TUBGCP4: variants seen among roughly 807,000 people sequenced by gnomAD.
TUBGCP4 encodes tubulin gamma complex component 4, also known as gamma-tubulin complex component 4.
Under a neutral mutation model 91.6 loss-of-function variants are expected in TUBGCP4, and 54 were observed. That is an observed-to-expected ratio of 0.59 (90% CI 0.47 to 0.74). TUBGCP4 has a LOEUF of 0.74. Ranked by LOEUF, TUBGCP4 falls within the 30% of genes least tolerant of loss-of-function variation. The pLI, the probability that TUBGCP4 is intolerant of heterozygous loss-of-function variation, is 0.00. For missense variants in TUBGCP4, 593 were observed against 800.9 expected, an observed-to-expected ratio of 0.74 and a Z score of 3.13; for synonymous variants, 297 against 302.8, an observed-to-expected ratio of 0.98 and a Z score of 0.20.
Position 43,401,730 on chromosome 15 carries a change from GTCTCAGT to G in TUBGCP4, c.1616_1622del (p.Gln539ProfsTer24). On this transcript the variant is annotated frameshift_variant, in exon 15 of 18. Transcript: ENST00000564079. LOFTEE classifies it high-confidence loss of function. ...ATGTCTATCAGGTAGATGTGTTGGAGTCTCAGTTCTCCCAGCTGCTTCATCAGATCAA... is the reference window on the plus strand; with the variant it reads ...ATGTCTATCAGGTAGATGTGTTGGAGTCTCCCAGCTGCTTCATCAGATCAA... 6.2e-7 allele frequency: 1 copy of G among 1,614,138 alleles called. No homozygotes were observed. Among genetic ancestry groups the G allele is most frequent in the East Asian group, 2.2e-5 (1 of 44,878 alleles).
chr15:43,381,376 C>G (rs1321485352), intron 6 of TUBGCP4, among the ~76,000 whole-genome samples: 1 of 152,072 alleles, frequency 6.6e-6, no homozygotes, highest in African/African-American at 2.4e-5. Context: ...CTTGTAATTT[C>G]TTTTTCTCCC....
intron 1 of TUBGCP4, among the ~76,000 whole-genome samples, chr15:43,375,744 C>T (rs1390046293): frequency 1.3e-5 from 2 of 152,150 alleles, no homozygotes; most frequent in Non-Finnish European, 2.9e-5. Context: ...GCTAAAGAGA[C>T]TTTGTTGCAA....
chr15:43,407,449 G>A lies in TUBGCP4; in HGVS notation c.*2235G>A. ...TGAATCCAATTCTCTCCCCAACAAT[G>A]AGGCACTGGATCACCCACTCTTGTG... is the stretch of plus-strand genomic sequence containing the variant. On this transcript the variant is annotated 3_prime_UTR_variant, in exon 18 of 18. Transcript: ENST00000564079. 6.2e-7 allele frequency: 1 copy of A among 1,614,186 alleles called. No individual in the cohort carries two copies.
chr15:43,402,832 A>T (rs1462726609), intron 15 of TUBGCP4: 1 of 152,252 alleles, frequency 6.6e-6, no homozygotes, highest in Admixed American at 6.5e-5. Context: ...CTCCTCTGAC[A>T]TGAGCTGGTT....
chr15:43,397,105 T>C lies in TUBGCP4; in HGVS notation c.1172-109T>C, dbSNP rs569059115. ...AGACAAATGAAACAGATGTCCACTG[T>C]GTCCTGCTGTTAGCATTGAGCATGT... On this transcript the variant is annotated intron_variant, in intron 11 of 17. Coordinates refer to ENST00000564079, the MANE Select transcript of TUBGCP4 (RefSeq NM_014444.5). 3 of 773,540 alleles carry C rather than the reference T, an allele frequency of 3.9e-6. No homozygotes were observed. In the East Asian group the frequency reaches 7.3e-5, roughly 19 times the overall value. 47.9% of individuals were successfully genotyped at this position (773,540 alleles called of 1,614,324 possible).
chr15:43,383,729 A>G (rs1322807305), intron 7 of TUBGCP4, among the ~76,000 whole-genome samples: 1 of 152,134 alleles, frequency 6.6e-6, no homozygotes, highest in African/African-American at 2.4e-5. Context: ...CATTTGAGAG[A>G]TTATAAGTCT....
At chr15:43,375,183 G>C (rs1277370935) in intron 1 of TUBGCP4, among the ~76,000 whole-genome samples, 1 of 152,242 alleles carries the variant, frequency 6.6e-6, no homozygotes, top group Non-Finnish European at 1.5e-5. Flanking sequence ...GATTACAGGC[G>C]TGAGCAATTG....
In TUBGCP4 at chr15:43,400,037, G is replaced by C. The variant is rs1189650831; in HGVS notation, c.1419-7G>C. Reference sequence around the variant, plus strand: ...TTGTCTTGAATATCCTGTTATTTCTGTCCTAGGTACAATGTTGTTTTTAAG... The same window carrying C: ...TTGTCTTGAATATCCTGTTATTTCTCTCCTAGGTACAATGTTGTTTTTAAG... On this transcript the variant is annotated splice_region_variant and splice_polypyrimidine_tract_variant and intron_variant, in intron 13 of 17. Transcript: ENST00000564079. 6.2e-7 allele frequency: 1 copy of C among 1,604,116 alleles called. No individual in the cohort carries two copies. Among genetic ancestry groups the C allele is most frequent in the Admixed American group, 1.7e-5 (1 of 59,724 alleles).
intron 5 of TUBGCP4, among the ~76,000 whole-genome samples, chr15:43,378,754 C>G (rs1478569670): frequency 2.6e-5 from 4 of 152,238 alleles, no homozygotes; most frequent in Non-Finnish European, 5.9e-5. Context: ...TTTACTGTCA[C>G]TGGCTGTGTA....
At chr15:43,399,637 C>T (rs2044634814) in intron 13 of TUBGCP4, among the ~76,000 whole-genome samples, 1 of 152,222 alleles carries the variant, frequency 6.6e-6, no homozygotes, top group Admixed American at 6.5e-5. Context: ...TGAGCCAACA[C>T]ACCTGGCCTG....
intron 8 of TUBGCP4, 67 bp downstream of exon 8, chr15:43,386,023 C>T (rs1379830235): frequency 6.3e-7 from 1 of 1,581,480 alleles, no homozygotes; most frequent in Non-Finnish European, 8.6e-7. Flanking sequence ...TATGTGGCCC[C>T]ACAGCATGCC....
chr15:43,383,653 G>A (rs1481338672), intron 7 of TUBGCP4, 149 bp downstream of exon 7: 2 of 573,332 alleles, frequency 3.5e-6, no homozygotes, highest in Admixed American at 7.1e-5. Context: ...ATCTTAACTA[G>A]TGTGAGACTA....
At position 43,380,091 on chromosome 15, in the gene TUBGCP4, G is replaced by T; in HGVS notation, c.449G>T (p.Gly150Val). ...VEQIKSQKIH[G>V]CQILETVYKH... ...AGGCCGTATTTTCCACAGATTCATG[G>T]TTGTCAAATCCTGGAAACAGTCTAC... The change falls in exon 6 of 18, where the codon GGT becomes GTT. Residue 150 changes from glycine to valine, a missense_variant. Coordinates refer to ENST00000564079, the MANE Select transcript of TUBGCP4 (RefSeq NM_014444.5). The T allele has an allele frequency of 6.2e-7, 1 of 1,614,102 alleles. No homozygotes were observed. The highest frequency in any genetic ancestry group is 8.5e-7 in the Non-Finnish European group (1 of 1,179,940).
At chr15:43,374,868 A>T (rs542386083) in intron 1 of TUBGCP4, among the ~76,000 whole-genome samples, 51 of 152,370 alleles carry the variant, frequency 3.3e-4, no homozygotes, top group Non-Finnish European at 6.5e-4. Context: ...TACAACATGG[A>T]TGAGCTGAAA....
intron 9 of TUBGCP4, among the ~76,000 whole-genome samples, chr15:43,392,095 C>T (rs895680362): frequency 6.6e-6 from 1 of 150,766 alleles, no homozygotes; most frequent in Admixed American, 6.6e-5. Context: ...CACACACACA[C>T]ACACACACAC....
At chr15:43,376,943 C>T (rs2044214567) in intron 3 of TUBGCP4, 71 bp from the exon 4 acceptor site, 2 of 1,306,238 alleles carry the variant, frequency 1.5e-6, no homozygotes, top group African/African-American at 1.5e-5. Context: ...AGATTCTCTT[C>T]TCATTTTCAT....
chr15:43,395,353 TGGCA>T lies in TUBGCP4; in HGVS notation c.1065+197_1065+200del, dbSNP rs2044563603. ...AAAGATTTGGGAGTGTACTTTTTTC[TGGCA>T]TATATATATAATTATGTTGCTATTG... On this transcript the variant is annotated intron_variant, in intron 10 of 17. Transcript: ENST00000564079. The T allele has an allele frequency of 5.9e-6, 4 of 676,028 alleles. No homozygotes were observed. In the South Asian group the frequency reaches 7.4e-5, roughly 12 times the overall value. 41.9% of individuals were successfully genotyped at this position (676,028 alleles called of 1,614,324 possible). A position where few individuals can be genotyped will look rare whatever the true frequency, so the allele number is the denominator to read the frequency against.
In TUBGCP4 at chr15:43,406,223, CAT is replaced by C. The variant is rs1272378899; in HGVS notation, c.*1012_*1013del. ...CCAGCCATCACTGGTAATCAATATT[CAT>C]ATCAGTGTAAGTAAAAAGAAATATT... On this transcript the variant is annotated 3_prime_UTR_variant, in exon 18 of 18. Transcript: ENST00000564079. 2 of 171,814 alleles carry C rather than the reference CAT, an allele frequency of 1.2e-5. No individual in the cohort carries two copies. The highest frequency in any genetic ancestry group is 2.5e-5 in the Non-Finnish European group (2 of 80,464). 10.6% of individuals were successfully genotyped at this position (171,814 alleles called of 1,614,324 possible). A position where few individuals can be genotyped will look rare whatever the true frequency, so the allele number is the denominator to read the frequency against.
intron 9 of TUBGCP4, among the ~76,000 whole-genome samples, chr15:43,388,346 C>G (rs1261243471): frequency 6.6e-6 from 1 of 152,176 alleles, no homozygotes; most frequent in East Asian, 1.9e-4. Flanking sequence ...CTCAAAAACT[C>G]CTGGTCATCA....
Sources: allele counts gnomAD v4.1 joint callset (sites outside exome capture counted in the v4.1 genomes callset), GRCh38; gene constraint gnomAD v4.1.1; transcripts MANE v1.5; gene names NCBI Gene and HGNC (gene_info 2026-07-23, HGNC 2026-07-21).